Variants in ABCC6 observed in about 807,000 individuals in gnomAD.
ABCC6 encodes the protein ATP binding cassette subfamily C member 6.
In ABCC6, 126 loss-of-function variants were observed where a neutral mutation model predicts 169.5. The observed-to-expected ratio is 0.74, with a 90% CI of 0.64 to 0.86. ABCC6 has a LOEUF of 0.86. Among genes scored for constraint, ABCC6 ranks in the 40% least tolerant of loss-of-function variants. ABCC6 has a pLI of 0.00. For missense variants in ABCC6, 1,733 were observed against 1,927.2 expected, an observed-to-expected ratio of 0.90 and a Z score of 1.89; for synonymous variants, 752 against 814.7, an observed-to-expected ratio of 0.92 and a Z score of 1.31.
intron 19 of ABCC6, 80 bp downstream of exon 19, chr16:16,177,372 T>C: frequency 1.3e-6 from 2 of 1,541,938 alleles, no homozygotes; most frequent in Admixed American, 1.7e-5. Flanking sequence ...ACTCCATTCA[T>C]GCCAGTAGGA....
intron 7 of ABCC6, among the ~76,000 whole-genome samples, chr16:16,205,938 G>C (rs1214998802): frequency 2.6e-5 from 4 of 152,184 alleles, no homozygotes; most frequent in African/African-American, 9.7e-5. Context: ...GAAGGAAGGA[G>C]CTTGGCTGGG....
Position 16,165,631 on chromosome 16 carries a change from C to T in ABCC6, c.3298G>A (p.Gly1100Arg). ...AILPLFLLYA[G>R]FQSLYVVSSC... is the part of the protein sequence containing the mutation. ...CCCTGACCTCTCCGTACCTGAAACC[C>T]AGCGTAGAGGAGAAACAGTGGCAGG... Residue 1100 changes from glycine to arginine, a missense_variant, in exon 23 of 31, where the codon GGG (glycine) becomes AGG (arginine). Physicochemically the swap from Gly to Arg is moderately radical, Grantham distance 125 (BLOSUM62 -2). Transcript: ENST00000205557. 6.2e-7 allele frequency: 1 copy of T among 1,613,126 alleles called. No individual in the cohort carries two copies. The highest frequency in any genetic ancestry group is 8.5e-7 in the Non-Finnish European group (1 of 1,180,018).
In ABCC6 at chr16:16,198,016, C is replaced by T; in HGVS notation, c.1338+5G>A. 2 of 1,613,958 alleles carry T rather than the reference C, an allele frequency of 1.2e-6. No individual in the cohort carries two copies. The highest frequency in any genetic ancestry group is 1.7e-6 in the Non-Finnish European group (2 of 1,179,936). On this transcript the variant is annotated splice_donor_5th_base_variant and intron_variant, in intron 10 of 30. Transcript: ENST00000205557. ...TTCAAATCCCGTCTTCCTCCTCTGGCATACCTGCCAGAGATAGACGAAGCA... is the reference window on the plus strand; with the variant it reads ...TTCAAATCCCGTCTTCCTCCTCTGGTATACCTGCCAGAGATAGACGAAGCA...
intron 21 of ABCC6, among the ~76,000 whole-genome samples, chr16:16,170,812 G>A (rs546375748): frequency 1.3e-5 from 2 of 150,700 alleles, no homozygotes; most frequent in South Asian, 2.1e-4. Flanking sequence ...CCAGCTACTC[G>A]AGAGGCTAAG....
chr16:16,192,212 C>G (rs550038862), intron 11 of ABCC6, among the ~76,000 whole-genome samples: 8 of 151,972 alleles, frequency 5.3e-5, no homozygotes, highest in Non-Finnish European at 1.0e-4. Flanking sequence ...TGTGTGAGAT[C>G]GGGCAGGTTT....
intron 23 of ABCC6, among the ~76,000 whole-genome samples, chr16:16,163,689 A>C (rs2046796342): frequency 6.6e-6 from 1 of 152,138 alleles, no homozygotes; most frequent in Non-Finnish European, 1.5e-5. Flanking sequence ...GATGTGCAGA[A>C]AATATTCGTT....
At chr16:16,189,875 T>C (rs548334696) in intron 12 of ABCC6, among the ~76,000 whole-genome samples, 2 of 152,154 alleles carry the variant, frequency 1.3e-5, no homozygotes, top group Non-Finnish European at 2.9e-5. Context: ...CCCAGGATTC[T>C]ACCTCTGCCA....
At position 16,188,911 on chromosome 16, in the gene ABCC6, C is replaced by G; in HGVS notation, c.1699G>C (p.Ala567Pro). 1.2e-6 allele frequency: 2 copies of G among 1,614,124 alleles called. No individual in the cohort carries two copies. Among genetic ancestry groups the G allele is most frequent in the Non-Finnish European group, 1.7e-6 (2 of 1,180,008 alleles). The part of the protein sequence containing the change: ...VAENAMNAEK[A>P]FVTLTVLNIL... ...TTGAGAACTGTGAGAGTCACAAAGG[C>G]TTTCTCTGCATTCATAGCATTCTCG... is the stretch of plus-strand genomic sequence containing the variant. The change falls in exon 13 of 31, where the codon GCC (alanine) becomes CCC (proline). Residue 567 changes from alanine to proline, a missense_variant. By Grantham distance (27) the Ala-to-Pro change is conservative. Around this residue, in one of 5 missense-constraint regions of ABCC6, gnomAD observed 1,601 missense variants for 1,635.5 expected, o/e 0.98. Transcript: ENST00000205557.
At chr16:16,181,968 G>A in intron 17 of ABCC6, 1 of 240,960 alleles carries the variant, frequency 4.2e-6, no homozygotes, top group South Asian at 5.9e-5. Flanking sequence ...CAAGTGGTGG[G>A]CTGGATTTGG....
chr16:16,191,276 C>T (rs554086411), intron 11 of ABCC6, among the ~76,000 whole-genome samples: 4 of 152,232 alleles, frequency 2.6e-5, no homozygotes, highest in East Asian at 1.9e-4. Flanking sequence ...CCACCACGCC[C>T]GGCTAAATTT....
intron 7 of ABCC6, 64 bp downstream of exon 7, chr16:16,208,664 A>G (rs771224380): frequency 7.4e-6 from 12 of 1,612,694 alleles, no homozygotes; most frequent in East Asian, 2.2e-5. Flanking sequence ...GAGCCACCGC[A>G]CCCGGCCAAT....
chr16:16,185,019 C>A lies in ABCC6; in HGVS notation c.1883G>T (p.Cys628Phe), dbSNP rs1596664449. 1 of 1,613,538 alleles carries A rather than the reference C, an allele frequency of 6.2e-7. No individual in the cohort carries two copies. Among genetic ancestry groups the A allele is most frequent in the Non-Finnish European group, 8.5e-7 (1 of 1,179,590 alleles). ...GAAGGTGGCACTGTGTATGGTGATGCAATCCTTCCCGGCAGCTGCAGGGCA... is the reference window on the plus strand; with the variant it reads ...GAAGGTGGCACTGTGTATGGTGATGAAATCCTTCCCGGCAGCTGCAGGGCA... Reference protein sequence around the residue: ...SSSGSAAGKDCITIHSATFAW... With the variant: ...SSSGSAAGKDFITIHSATFAW... Residue 628 changes from cysteine to phenylalanine, a missense_variant, in exon 15 of 31, where the codon TGC becomes TTC. Physicochemically the swap from Cys to Phe is radical, Grantham distance 205. Coordinates refer to ENST00000205557, the MANE Select transcript of ABCC6 (RefSeq NM_001171.6).
At chr16:16,177,940 C>G (rs939170245) in intron 18 of ABCC6, among the ~76,000 whole-genome samples, 9 of 139,894 alleles carry the variant, frequency 6.4e-5, no homozygotes, top group African/African-American at 2.4e-4. Flanking sequence ...AAGACTCTGT[C>G]AAGAAAGGAA....
intron 7 of ABCC6, among the ~76,000 whole-genome samples, chr16:16,206,309 G>A (rs1007596167): frequency 3.3e-5 from 5 of 152,120 alleles, no homozygotes; most frequent in Admixed American, 1.3e-4. Context: ...CATGGGCAAG[G>A]TGTGAGTTGG....
At chr16:16,156,680 G>A (rs924969906) in intron 27 of ABCC6, among the ~76,000 whole-genome samples, 7 of 152,080 alleles carry the variant, frequency 4.6e-5, no homozygotes, top group African/African-American at 1.7e-4. Context: ...GGGCATGGTG[G>A]GTCATGCCTG....
Position 16,159,514 on chromosome 16 carries a change from G to C in ABCC6, c.3703C>G (p.Arg1235Gly), listed in dbSNP as rs63750402. 2 of 1,613,712 alleles carry C rather than the reference G, an allele frequency of 1.2e-6. No individual in the cohort carries two copies. Among genetic ancestry groups the C allele is most frequent in the African/African-American group, 2.7e-5 (2 of 74,806 alleles). Reference protein sequence around the residue: ...DLENSIVSVERMQDYAWTPKE... With the variant: ...DLENSIVSVEGMQDYAWTPKE... ...GGCGTCCAGGCATAGTCCTGCATCC[G>C]CTCCACTGACACGATGCTGTTCTCT... The change falls in exon 26 of 31, where the codon CGG (arginine) becomes GGG (glycine). Residue 1235 changes from arginine (R) to glycine (G), a missense_variant. Arg to Gly is a moderately radical substitution (Grantham distance 125). Transcript: ENST00000205557.
intron 1 of ABCC6, chr16:16,223,013 A>T (rs2049123612): frequency 4.5e-6 from 1 of 224,596 alleles, no homozygotes; most frequent in African/African-American, 2.4e-5. Flanking sequence ...CTGGCCCTCG[A>T]AATGCTGGCA....
chr16:16,222,874 C>T (rs1455584833), intron 1 of ABCC6, among the ~76,000 whole-genome samples: 2 of 152,186 alleles, frequency 1.3e-5, no homozygotes, highest in Non-Finnish European at 2.9e-5. Flanking sequence ...GAAAACGAGA[C>T]TCTACCTCTA....
chr16:16,150,109 TGGGGTAC>T lies in ABCC6; in HGVS notation c.*17_*23del. On this transcript the variant is annotated 3_prime_UTR_variant, in exon 31 of 31. Transcript: ENST00000205557. ...TGCAGGCTGTGCGGGCTGGTCCAAC[TGGGGTAC>T]GGTTGAGGGTCCTGGCTCAGACCAG... 2 of 1,611,612 alleles carry T rather than the reference TGGGGTAC, an allele frequency of 1.2e-6. No homozygotes were observed. Among genetic ancestry groups the T allele is most frequent in the Non-Finnish European group, 8.5e-7 (1 of 1,179,824 alleles).
Sources: gnomAD v4.1 joint callset for allele counts (sites outside exome capture counted in the v4.1 genomes callset) on GRCh38, gnomAD v4.1.1 for gene constraint, gnomAD v4.1.1 regional missense constraint, MANE v1.5 for transcripts, NCBI Gene and HGNC (gene_info 2026-07-23, HGNC 2026-07-21) for gene names.